Variants in MACROD2 observed in about 807,000 individuals in gnomAD.
The protein encoded by MACROD2 is mono-ADP ribosylhydrolase 2, also known as ADP-ribose glycohydrolase MACROD2.
MACROD2 carries 36 observed loss-of-function variants against 70.4 expected under a neutral mutation model. The ratio of observed to expected loss-of-function variants is 0.51; its 90% CI spans 0.39 to 0.68. The LOEUF (loss-of-function observed/expected upper bound fraction) is 0.68. Among genes scored for constraint, MACROD2 ranks in the 30% least tolerant of loss-of-function variants. The pLI is 0.00. For synonymous variants in MACROD2, 172 were observed against 178.8 expected (o/e 0.96, Z 0.30); for missense variants, 496 against 538.4 (o/e 0.92, Z 0.78).
Position 14,480,399 on chromosome 20 carries a change from C to T in MACROD2, c.272-13080C>T, listed in dbSNP as rs528350356. ...ATACTTCTTTTGGTAGACACCACAT[C>T]TATTGCATCTGGAATACCATATGCA... On this transcript the variant is annotated intron_variant, in intron 3 of 17. Transcript: ENST00000684519. 2.0e-5 allele frequency among the ~76,000 whole-genome samples: 3 copies of T among 152,282 alleles called. No homozygotes were observed. In the South Asian group the frequency reaches 6.2e-4, roughly 32 times the overall value.
intron 5 of MACROD2, among the ~76,000 whole-genome samples, chr20:14,745,596 G>C (rs2071790159): frequency 6.6e-6 from 1 of 152,126 alleles, no homozygotes; most frequent in Non-Finnish European, 1.5e-5. Context: ...TCACCACATG[G>C]GGACAATAAT....
chr20:14,132,596 G>T (rs2054732286), intron 3 of MACROD2, among the ~76,000 whole-genome samples: 2 of 152,030 alleles, frequency 1.3e-5, no homozygotes, highest in East Asian at 3.8e-4. Flanking sequence ...ATTACTTAGG[G>T]TTCTATTTGT....
chr20:15,836,055 G>A (rs2064110863), intron 8 of MACROD2, among the ~76,000 whole-genome samples: 1 of 150,820 alleles, frequency 6.6e-6, no homozygotes, highest in Admixed American at 6.6e-5. Flanking sequence ...TTTCCACATG[G>A]GACCCCAGGT....
intron 3 of MACROD2, among the ~76,000 whole-genome samples, chr20:14,484,678 G>A (rs1304546770): frequency 1.3e-5 from 2 of 152,038 alleles, no homozygotes; most frequent in African/African-American, 4.8e-5. Context: ...ACAAATAAGT[G>A]AGAACATGCA....
intron 4 of MACROD2, among the ~76,000 whole-genome samples, chr20:14,673,379 CAGTT>C (rs2070818642): frequency 6.6e-6 from 1 of 152,190 alleles, no homozygotes; most frequent in Admixed American, 6.5e-5. Flanking sequence ...TCAAAGTTCT[CAGTT>C]GGCAGTGTGT....
intron 5 of MACROD2, among the ~76,000 whole-genome samples, chr20:14,867,310 T>C (rs766452871): frequency 6.6e-6 from 1 of 152,176 alleles, no homozygotes; most frequent in African/African-American, 2.4e-5. Context: ...TTTTGAACCT[T>C]GATACTGGCA....
At chr20:14,505,057 TAATTAC>T (rs1179504488) in intron 4 of MACROD2, among the ~76,000 whole-genome samples, 1 of 152,230 alleles carries the variant, frequency 6.6e-6, no homozygotes, top group African/African-American at 2.4e-5. Context: ...TAGAAACCAC[TAATTAC>T]AAAATGATTA....
chr20:15,634,269 G>C (rs2049332774), intron 8 of MACROD2, among the ~76,000 whole-genome samples: 1 of 152,226 alleles, frequency 6.6e-6, no homozygotes. Flanking sequence ...CTAATTGGAA[G>C]TTCATAGGGT....
At chr20:14,325,569 G>A (rs1568556937) in intron 3 of MACROD2, 1 of 1,610,226 alleles carries the variant, frequency 6.2e-7, no homozygotes, top group Non-Finnish European at 8.5e-7. Flanking sequence ...ATGAGTGTGA[G>A]TGATCTGAGT....
At chr20:15,852,343 C>T (rs1198438775) in intron 8 of MACROD2, among the ~76,000 whole-genome samples, 1 of 152,152 alleles carries the variant, frequency 6.6e-6, no homozygotes, top group Non-Finnish European at 1.5e-5. Flanking sequence ...AGAGTAATGA[C>T]AGATATACTG....
chr20:15,849,884 T>C (rs2064277012), intron 8 of MACROD2, among the ~76,000 whole-genome samples: 1 of 152,070 alleles, frequency 6.6e-6, no homozygotes, highest in African/African-American at 2.4e-5. Flanking sequence ...TTTCATGTCA[T>C]AGACTAGATG....
intron 7 of MACROD2, among the ~76,000 whole-genome samples, chr20:15,490,019 T>C (rs2047207931): frequency 1.3e-5 from 2 of 152,106 alleles, no homozygotes. Flanking sequence ...CACCACAGCA[T>C]ATCATTACTT....
At chr20:14,782,557 C>T (rs1277045460) in intron 5 of MACROD2, among the ~76,000 whole-genome samples, 2 of 152,030 alleles carry the variant, frequency 1.3e-5, no homozygotes, top group Non-Finnish European at 2.9e-5. Context: ...ATGTCATATA[C>T]CATTGAATTG....
chr20:15,809,784 A>C lies in MACROD2; in HGVS notation c.646-52961A>C, dbSNP rs1023150402. ...CCCCTTTGCCTGGAACTCTCTCTTA[A>C]AGCTTAAGAATAATGGAAAATACAG... On this transcript the variant is annotated intron_variant, in intron 8 of 17. Transcript: ENST00000684519. Among the ~76,000 whole-genome samples, 9 of 151,970 alleles carry C rather than the reference A, an allele frequency of 5.9e-5. 1 individual carries two copies. The highest frequency in any genetic ancestry group is 9.7e-5 in the African/African-American group (4 of 41,346).
At chr20:15,162,539 T>C (rs433463) in intron 5 of MACROD2, among the ~76,000 whole-genome samples, 125,307 of 151,994 alleles carry the variant, frequency 0.82, 52,027 homozygotes, top group African/African-American at 0.93. Flanking sequence ...AGAATTCTTC[T>C]TGAGGATTTG....
chr20:15,470,969 T>C (rs2046957087), intron 7 of MACROD2, among the ~76,000 whole-genome samples: 1 of 152,208 alleles, frequency 6.6e-6, no homozygotes, highest in Admixed American at 6.5e-5. Context: ...CCAACTCATC[T>C]CTATTCTTGG....
chr20:15,545,148 G>A (rs927977712), intron 8 of MACROD2, among the ~76,000 whole-genome samples: 3 of 152,216 alleles, frequency 2.0e-5, no homozygotes, highest in Admixed American at 1.3e-4. Context: ...TCTCCGTGGA[G>A]GAAATGAATA....
chr20:14,127,756 TAAAAG>T (rs2054670891), intron 3 of MACROD2: 4 of 434,382 alleles, frequency 9.2e-6, no homozygotes, highest in Non-Finnish European at 1.8e-5. Flanking sequence ...AAAGAACAGA[TAAAAG>T]GAGGAGCAGG....
intron 7 of MACROD2, among the ~76,000 whole-genome samples, chr20:15,449,091 C>T (rs2046606416): frequency 6.6e-6 from 1 of 152,158 alleles, no homozygotes; most frequent in African/African-American, 2.4e-5. Flanking sequence ...AATGGCAGCT[C>T]ATTAGTGTCT....
Sources: allele counts gnomAD v4.1 joint callset (sites outside exome capture counted in the v4.1 genomes callset), GRCh38; gene constraint gnomAD v4.1.1; transcripts MANE v1.5; gene names NCBI Gene and HGNC (gene_info 2026-07-23, HGNC 2026-07-21).